The following F5 variants were observed in gnomAD, a reference collection of about 807,000 sequenced individuals.
F5 encodes the protein activated protein c cofactor.
In F5, 138 loss-of-function variants were observed where a neutral mutation model predicts 216.4. That is an observed-to-expected ratio of 0.64 (90% confidence interval 0.56 to 0.73). F5 has a LOEUF of 0.73. F5 is among the 30% of genes least tolerant of loss of function. The probability of loss-of-function intolerance (pLI) is 0.00; values close to 1 mark genes in which losing one functional copy is unlikely to be tolerated. For missense variants in F5, 2,403 were observed against 2,674.0 expected (o/e 0.90, Z 2.24); for synonymous variants, 916 against 930.7 (o/e 0.98, Z 0.29).
At chr1:169,537,670 A>G (rs1557912980) in intron 13 of F5, among the ~76,000 whole-genome samples, 1 of 152,146 alleles carries the variant, frequency 6.6e-6, no homozygotes, top group African/African-American at 2.4e-5. Flanking sequence ...TGAGCAAAAG[A>G]CTTGAATAGA....
chr1:169,522,684 CT>C (rs1391478376), intron 21 of F5, among the ~76,000 whole-genome samples: 1 of 152,142 alleles, frequency 6.6e-6, no homozygotes, highest in Non-Finnish European at 1.5e-5. Flanking sequence ...GGGCTTATGG[CT>C]GAGCCCCTGG....
At chr1:169,557,067 C>A (rs1198613715) in intron 5 of F5, among the ~76,000 whole-genome samples, 200 bp from the exon 6 acceptor site, 1 of 152,148 alleles carries the variant, frequency 6.6e-6, no homozygotes, top group African/African-American at 2.4e-5. Flanking sequence ...AGTGACAACT[C>A]ATTGTGATAA....
At chr1:169,539,379 A>G (rs1659778299) in intron 13 of F5, among the ~76,000 whole-genome samples, 1 of 152,024 alleles carries the variant, frequency 6.6e-6, no homozygotes, top group South Asian at 2.1e-4. Flanking sequence ...GGAATACAAG[A>G]TTTTGAAGGT....
chr1:169,560,867 G>A, intron 3 of F5, 101 bp from the exon 4 acceptor site: 1 of 955,894 alleles, frequency 1.0e-6, no homozygotes, highest in Non-Finnish European at 1.7e-6. Context: ...CTCTGGAGAT[G>A]CATATGTCCT....
chr1:169,547,806 G>GA (rs1660050085), intron 10 of F5, among the ~76,000 whole-genome samples: 1 of 152,154 alleles, frequency 6.6e-6, no homozygotes, highest in Non-Finnish European at 1.5e-5. Context: ...CCTAAAGTCA[G>GA]AAATACCTTT....
Position 169,523,789 on chromosome 1 carries a change from A to G in F5, c.5892+12T>C. 1 of 1,596,726 alleles carries G rather than the reference A, an allele frequency of 6.3e-7. No individual in the cohort carries two copies. Among genetic ancestry groups the G allele is most frequent in the Non-Finnish European group, 8.6e-7 (1 of 1,164,566 alleles). ...CGATAGCAGTAAATATTATCAGTCT[A>G]TTAAGACAAACCTGGATCCAAGGTT... On this transcript the variant is annotated intron_variant, in intron 20 of 24. Transcript: ENST00000367797.
Position 169,555,238 on chromosome 1 carries a change from A to G in F5, c.1062T>C (p.Ile354=), listed in dbSNP as rs1288065891. The change falls in exon 7 of 25, where the codon ATT becomes ATC. Residue 354 remains isoleucine (I), a synonymous_variant. Transcript: ENST00000367797. ...RRHMKRWEYF[I]AAEEVIWDYA... ...AGTCCCAAATGACTTCCTCTGCAGC[A>G]ATGAAGTATTCCCACCTCTTCATGT... 1 of 1,614,126 alleles carries G rather than the reference A, an allele frequency of 6.2e-7. No individual in the cohort carries two copies. The highest frequency in any genetic ancestry group is 8.5e-7 in the Non-Finnish European group (1 of 1,179,998).
chr1:169,576,777 G>T (rs1015998580), intron 2 of F5, among the ~76,000 whole-genome samples: 1 of 152,158 alleles, frequency 6.6e-6, no homozygotes, highest in Non-Finnish European at 1.5e-5. Context: ...TGCTGACTAT[G>T]CTGCCAATTG....
At chr1:169,550,601 A>G in intron 9 of F5, 39 bp downstream of exon 9, 1 of 1,502,382 alleles carries the variant, frequency 6.7e-7, no homozygotes, top group Non-Finnish European at 9.3e-7. Context: ...GCCTCTCAGA[A>G]GTTACTAGTT....
chr1:169,569,790 A>G (rs1050514163), intron 3 of F5, among the ~76,000 whole-genome samples: 1 of 152,034 alleles, frequency 6.6e-6, no homozygotes, highest in South Asian at 2.1e-4. Flanking sequence ...GTGTAATACT[A>G]TCTTAACCCC....
chr1:169,541,579 T>G lies in F5; in HGVS notation c.3511A>C (p.Ser1171Arg). The G allele has an allele frequency of 6.2e-7, 1 of 1,614,130 alleles. No homozygotes were observed. The highest frequency in any genetic ancestry group is 8.5e-7 in the Non-Finnish European group (1 of 1,180,000). Residue 1171 changes from serine to arginine, a missense_variant, in exon 13 of 25, where the codon AGT (serine) becomes CGT (arginine). Coordinates refer to ENST00000367797, the MANE Select transcript of F5 (RefSeq NM_000130.5). ...RSHKSFPTDI[S>R]QMSPSSEHEV... The stretch of plus-strand genomic sequence containing the variant: ...TGTTCTGAGGAAGGGGACATTTGAC[T>G]TATATCTGTGGGGAAGGACTTGTGA...
chr1:169,564,972 C>T (rs1359865531), intron 3 of F5, among the ~76,000 whole-genome samples: 1 of 151,964 alleles, frequency 6.6e-6, no homozygotes, highest in Non-Finnish European at 1.5e-5. Context: ...GTATGATTTA[C>T]CTCTACTTCT....
In F5 at chr1:169,541,560, G is replaced by A; in HGVS notation, c.3530C>T (p.Ser1177Leu). 1.9e-6 allele frequency: 3 copies of A among 1,614,130 alleles called. No homozygotes were observed. The highest frequency in any genetic ancestry group is 2.5e-6 in the Non-Finnish European group (3 of 1,180,012). The change falls in exon 13 of 25, where the codon TCA becomes TTA. Residue 1177 changes from serine to leucine, a missense_variant. Ser to Leu is a moderately radical substitution (Grantham distance 145). Transcript: ENST00000367797. Reference protein sequence around the residue: ...PTDISQMSPSSEHEVWQTVIS... With the variant: ...PTDISQMSPSLEHEVWQTVIS... ...GACTGTCTGCCAGACTTCATGTTCT[G>A]AGGAAGGGGACATTTGACTTATATC...
chr1:169,572,237 G>C lies in F5; in HGVS notation c.357C>G (p.Tyr119Ter), dbSNP rs1307744577. 8.1e-6 allele frequency: 13 copies of C among 1,612,626 alleles called. No individual in the cohort carries two copies. Among genetic ancestry groups the C allele is most frequent in the Non-Finnish European group, 1.0e-5 (12 of 1,179,400 alleles). ...PLSIHPQGIR[Y>*]SKLSEGASYL... Reference sequence around the variant, plus strand: ...TTATCTTACCTTCTGATAATTTACTGTACCTAATTCCTTGAGGATGGATGC... The same window carrying C: ...TTATCTTACCTTCTGATAATTTACTCTACCTAATTCCTTGAGGATGGATGC... Residue 119 changes from tyrosine to a stop codon, truncating the protein, a stop_gained, in exon 3 of 25, where the codon TAC becomes TAG. Coordinates refer to ENST00000367797, the MANE Select transcript of F5 (RefSeq NM_000130.5). LOFTEE classifies it high-confidence loss of function.
chr1:169,546,476 A>G lies in F5; in HGVS notation c.1728T>C (p.Asp576=). Residue 576 remains aspartate, a synonymous_variant, in exon 11 of 25, where the codon GAT becomes GAC. Transcript: ENST00000367797. The stretch of plus-strand genomic sequence containing the variant: ...TGTTTGATTCATAAAACTTGGGGTC[A>G]TCACGTTTCACCTCATCAGGATTTT... ...FCENPDEVKR[D]DPKFYESNIM... is the part of the protein sequence containing the mutation. 1 of 1,614,198 alleles carries G rather than the reference A, an allele frequency of 6.2e-7. No individual in the cohort carries two copies. The highest frequency in any genetic ancestry group is 8.5e-7 in the Non-Finnish European group (1 of 1,180,014).
chr1:169,558,357 A>G (rs1186597193), intron 5 of F5, among the ~76,000 whole-genome samples: 1 of 152,236 alleles, frequency 6.6e-6, no homozygotes, highest in African/African-American at 2.4e-5. Flanking sequence ...CAAATGAAAT[A>G]GAATACAATT....
rs954271583 is a variant in F5, at chr1:169,541,968, G to C, written c.3122C>G (p.Ala1041Gly). 2 of 1,613,952 alleles carry C rather than the reference G, an allele frequency of 1.2e-6. No homozygotes were observed. The highest frequency in any genetic ancestry group is 2.7e-5 in the African/African-American group (2 of 74,916). Residue 1041 changes from alanine to glycine, a missense_variant, in exon 13 of 25, where the codon GCT (alanine) becomes GGT (glycine). Ala to Gly is a moderately conservative substitution (Grantham distance 60). This residue lies in a region of F5 where 1,425 missense variants were observed against 1,554.8 expected (regional missense o/e 0.92). Coordinates refer to ENST00000367797, the MANE Select transcript of F5 (RefSeq NM_000130.5). Reference sequence around the variant, plus strand: ...GTGAAAGGTCCTCGGAGATAAAGGAGCATGGTGTGTGTGCTTCTCTTTTTT... The same window carrying C: ...GTGAAAGGTCCTCGGAGATAAAGGACCATGGTGTGTGTGCTTCTCTTTTTT... ...KKKKEKHTHHAPLSPRTFHPL... is the reference protein window; with the variant it reads ...KKKKEKHTHHGPLSPRTFHPL...
rs767633017 is a variant in F5, at chr1:169,529,655, G to A, written c.5372C>T (p.Ser1791Phe). 7 of 1,613,726 alleles carry A rather than the reference G, an allele frequency of 4.3e-6. No homozygotes were observed. The highest frequency in any genetic ancestry group is 5.1e-6 in the Non-Finnish European group (6 of 1,179,838). ...CATTTCTGAGGATGTGAGTCTCCAA[G>A]AACTTCGGGACTTCTTTTCATAGTA... ...SWYYEKKSRS[S>F]WRLTSSEMKK... is the part of the protein sequence containing the mutation. Residue 1791 changes from serine to phenylalanine, a missense_variant, in exon 16 of 25, where the codon TCT (serine) becomes TTT (phenylalanine). Ser to Phe is a radical substitution (Grantham distance 155). Transcript: ENST00000367797.
At chr1:169,552,479 A>T in intron 8 of F5, 78 bp downstream of exon 8, 1 of 1,238,496 alleles carries the variant, frequency 8.1e-7, no homozygotes, top group Non-Finnish European at 1.1e-6. Flanking sequence ...TTTTTCTTTT[A>T]AAATTAAAAA....
Sources: allele counts gnomAD v4.1 joint callset (sites outside exome capture counted in the v4.1 genomes callset), GRCh38; gene constraint gnomAD v4.1.1; regional missense constraint gnomAD v4.1.1; transcripts MANE v1.5; gene names NCBI Gene and HGNC (gene_info 2026-07-23, HGNC 2026-07-21).